Variants in EPHA3 observed in about 807,000 individuals in gnomAD.
EPHA3 encodes EPH receptor A3.
EPHA3 carries 42 observed loss-of-function variants against 107.1 expected under a neutral mutation model. That is an observed-to-expected ratio of 0.39 (90% CI 0.31 to 0.51). The LOEUF is 0.51. Among genes scored for constraint, EPHA3 ranks in the 20% least tolerant of loss-of-function variants. The probability of loss-of-function intolerance (pLI) is 0.78; values close to 1 mark genes in which losing one functional copy is unlikely to be tolerated. For synonymous variants in EPHA3, 461 were observed against 424.8 expected, an observed-to-expected ratio of 1.09 and a Z score of -1.05; for missense variants, 1,183 against 1,211.2, an observed-to-expected ratio of 0.98 and a Z score of 0.35.
chr3:89,316,930 A>T (rs1192798714), intron 3 of EPHA3, among the ~76,000 whole-genome samples: 1 of 151,688 alleles, frequency 6.6e-6, no homozygotes, highest in Non-Finnish European at 1.5e-5. Context: ...CTCAGTATAA[A>T]TATATGAAAA....
At chr3:89,381,060 C>A (rs1281958013) in intron 5 of EPHA3, among the ~76,000 whole-genome samples, 1 of 152,062 alleles carries the variant, frequency 6.6e-6, no homozygotes, top group East Asian at 2.0e-4. Context: ...GCAAGCTCCA[C>A]CTCCTGGTTT....
At chr3:89,257,192 C>T (rs1004140301) in intron 3 of EPHA3, among the ~76,000 whole-genome samples, 1 of 152,174 alleles carries the variant, frequency 6.6e-6, no homozygotes, top group African/African-American at 2.4e-5. Context: ...CTTCTAGCAG[C>T]TCAGACCAAA....
intron 3 of EPHA3, among the ~76,000 whole-genome samples, chr3:89,240,234 T>C (rs192710301): frequency 1.2e-3 from 177 of 152,348 alleles, no homozygotes; most frequent in Non-Finnish European, 2.0e-3. Flanking sequence ...TTGTTTTTTG[T>C]GTTTGCTTGT....
chr3:89,204,361 A>G (rs1219123779), intron 2 of EPHA3, among the ~76,000 whole-genome samples: 1 of 152,020 alleles, frequency 6.6e-6, no homozygotes, highest in Non-Finnish European at 1.5e-5. Context: ...CTTTTCGGTC[A>G]TATTTGTCTT....
intron 13 of EPHA3, 29 bp from the exon 14 acceptor site, chr3:89,449,196 T>C (rs372130608): frequency 5.3e-5 from 84 of 1,585,816 alleles, no homozygotes; most frequent in Non-Finnish European, 7.2e-5. Context: ...GCATTGCTGA[T>C]TTATGTAGAC....
intron 7 of EPHA3, among the ~76,000 whole-genome samples, chr3:89,405,884 G>T (rs1000569690): frequency 2.6e-5 from 4 of 151,970 alleles, no homozygotes; most frequent in African/African-American, 9.7e-5. Flanking sequence ...ATGTGGCTGG[G>T]GATTTAAACA....
intron 5 of EPHA3, among the ~76,000 whole-genome samples, chr3:89,358,726 A>G (rs1043544850): frequency 6.6e-6 from 1 of 151,172 alleles, no homozygotes; most frequent in Non-Finnish European, 1.5e-5. Flanking sequence ...TTTTTTCATT[A>G]CTAAAGCAGA....
chr3:89,136,934 C>A (rs1385117525), intron 2 of EPHA3, among the ~76,000 whole-genome samples: 1 of 151,688 alleles, frequency 6.6e-6, no homozygotes, highest in Non-Finnish European at 1.5e-5. Flanking sequence ...AACATTTTTT[C>A]TCTAAAACAA....
At chr3:89,260,675 A>G (rs930913202) in intron 3 of EPHA3, among the ~76,000 whole-genome samples, 1 of 152,064 alleles carries the variant, frequency 6.6e-6, no homozygotes, top group African/African-American at 2.4e-5. Flanking sequence ...TTTCTTTTCT[A>G]TGCCAAAGCT....
At chr3:89,157,548 GTGCT>G (rs150997844) in intron 2 of EPHA3, among the ~76,000 whole-genome samples, 1,791 of 152,034 alleles carry the variant, frequency 0.012, 40 homozygotes, top group African/African-American at 0.04. Context: ...CCTGGAACAT[GTGCT>G]TAAGTTTACA....
chr3:89,133,580 G>C (rs1279071467), intron 2 of EPHA3, among the ~76,000 whole-genome samples: 7 of 152,146 alleles, frequency 4.6e-5, no homozygotes, highest in Admixed American at 3.3e-4. Context: ...AGTGGTAGTC[G>C]GTTGGCGAGA....
At chr3:89,360,203 C>T (rs1464051959) in intron 5 of EPHA3, among the ~76,000 whole-genome samples, 1 of 150,788 alleles carries the variant, frequency 6.6e-6, no homozygotes, top group Admixed American at 6.7e-5. Context: ...GTGCTTAAAT[C>T]AAGCCTCTCT....
chr3:89,458,528 A>G (rs1710147086), intron 15 of EPHA3, among the ~76,000 whole-genome samples: 1 of 152,190 alleles, frequency 6.6e-6, no homozygotes, highest in African/African-American at 2.4e-5. Flanking sequence ...TCCATTGGGT[A>G]TATACCCAGT....
chr3:89,175,429 A>C (rs1366183442), intron 2 of EPHA3, among the ~76,000 whole-genome samples: 2 of 152,144 alleles, frequency 1.3e-5, no homozygotes, highest in Non-Finnish European at 2.9e-5. Flanking sequence ...TGTGGCTTAC[A>C]AGTGTAGTGT....
intron 3 of EPHA3, among the ~76,000 whole-genome samples, chr3:89,240,421 G>A (rs1704867510): frequency 6.6e-6 from 1 of 151,882 alleles, no homozygotes; most frequent in Admixed American, 6.6e-5. Flanking sequence ...AGCCTAAAAT[G>A]CAATACATTT....
At chr3:89,135,670 A>G (rs1043885807) in intron 2 of EPHA3, among the ~76,000 whole-genome samples, 36 of 151,600 alleles carry the variant, frequency 2.4e-4, no homozygotes, top group East Asian at 5.8e-4. Context: ...ATATATCTAT[A>G]TTAAATATAT....
At chr3:89,218,658 G>A (rs568669193) in intron 3 of EPHA3, among the ~76,000 whole-genome samples, 24 of 152,120 alleles carry the variant, frequency 1.6e-4, no homozygotes, top group African/African-American at 5.5e-4. Context: ...AACCAGTAAC[G>A]GGATTGCTGG....
intron 15 of EPHA3, among the ~76,000 whole-genome samples, chr3:89,472,218 G>A (rs1171165137): frequency 6.6e-6 from 1 of 152,158 alleles, no homozygotes; most frequent in East Asian, 1.9e-4. Context: ...TCTTTCACTG[G>A]AAAATTTTCA....
At chr3:89,446,494 A>G (rs1256317283) in intron 13 of EPHA3, among the ~76,000 whole-genome samples, 1 of 152,188 alleles carries the variant, frequency 6.6e-6, no homozygotes, top group East Asian at 1.9e-4. Flanking sequence ...TTAAAATGAA[A>G]CAACTCTTCT....
Sources: allele counts gnomAD v4.1 joint callset (sites outside exome capture counted in the v4.1 genomes callset), GRCh38; gene constraint gnomAD v4.1.1; transcripts MANE v1.5; gene names NCBI Gene and HGNC (gene_info 2026-07-23, HGNC 2026-07-21).